Variants in CLMP observed in about 807,000 individuals in gnomAD.
CLMP encodes the protein CXADR like cell adhesion molecule.
CLMP carries 27 observed loss-of-function variants against 45.2 expected under a neutral mutation model. That is an observed-to-expected ratio of 0.60 (90% CI 0.44 to 0.82). CLMP has a LOEUF of 0.82. Ranked by LOEUF, CLMP falls within the 40% of genes least tolerant of loss-of-function variation. The pLI, the probability that CLMP is intolerant of heterozygous loss-of-function variation, is 0.00. For synonymous variants in CLMP, 167 were observed against 171.4 expected (o/e 0.97, Z 0.20); for missense variants, 403 against 448.4 (o/e 0.90, Z 0.91).
rs567877782 is a variant in CLMP, at chr11:123,161,601, G to A, written c.28+33312C>T. Reference sequence around the variant, plus strand: ...TGAGATGGGAGGATTTCTTGAGCCCGGGAAAGAAAGGTTGCAGTGAGCCAA... The same window carrying A: ...TGAGATGGGAGGATTTCTTGAGCCCAGGAAAGAAAGGTTGCAGTGAGCCAA... On this transcript the variant is annotated intron_variant, in intron 1 of 6. Coordinates refer to ENST00000448775, the MANE Select transcript of CLMP (RefSeq NM_024769.5). 5.9e-5 allele frequency among the ~76,000 whole-genome samples: 9 copies of A among 152,166 alleles called. 1 individual carries two copies. Among genetic ancestry groups the A allele is most frequent in the Admixed American group, 2.6e-4 (4 of 15,276 alleles).
chr11:123,106,880 C>T (rs561490934), intron 1 of CLMP, among the ~76,000 whole-genome samples: 21 of 151,838 alleles, frequency 1.4e-4, no homozygotes, highest in African/African-American at 4.3e-4. Context: ...ATTAGCCCGG[C>T]GAGGTGGTGG....
chr11:123,186,666 G>A (rs1195340175), intron 1 of CLMP, among the ~76,000 whole-genome samples: 1 of 152,132 alleles, frequency 6.6e-6, no homozygotes, highest in Non-Finnish European at 1.5e-5. Flanking sequence ...GGGATTACAG[G>A]CGTGCGTCAC....
At chr11:123,150,650 T>C (rs1411679383) in intron 1 of CLMP, among the ~76,000 whole-genome samples, 1 of 151,532 alleles carries the variant, frequency 6.6e-6, no homozygotes, top group East Asian at 1.9e-4. Flanking sequence ...AAGGTAGGTG[T>C]GGGGAGAAAG....
chr11:123,163,495 A>G (rs1280566812), intron 1 of CLMP, among the ~76,000 whole-genome samples: 1 of 152,176 alleles, frequency 6.6e-6, no homozygotes, highest in Non-Finnish European at 1.5e-5. Context: ...AAGAGACACT[A>G]TGGAGCTGTA....
At chr11:123,194,446 C>G in intron 1 of CLMP, among the ~76,000 whole-genome samples, 1 of 152,050 alleles carries the variant, frequency 6.6e-6, no homozygotes, top group Non-Finnish European at 1.5e-5. Flanking sequence ...TGGGCCCTGC[C>G]CTTTTTCCCT....
intron 2 of CLMP, 133 bp downstream of exon 2, chr11:123,097,662 G>A (rs1346613812): frequency 7.5e-6 from 5 of 665,354 alleles, no homozygotes; most frequent in African/African-American, 1.8e-5. Flanking sequence ...TGTATCTAAA[G>A]TCTTTCAAGT....
At chr11:123,150,480 A>AAAGAAAGAAAGAAAGAAAGAAGGAAAGG (rs764502298) in intron 1 of CLMP, among the ~76,000 whole-genome samples, 1 of 40,962 alleles carries the variant, frequency 2.4e-5, no homozygotes, top group African/African-American at 1.1e-4. Flanking sequence ...AGAAAGAAAG[A>AAAGAAAGAAAGAAAGAAAGAAGGAAAGG]AAGGAAGGAA....
At chr11:123,078,648 GT>G (rs72256215) in intron 5 of CLMP, among the ~76,000 whole-genome samples, 22,693 of 131,764 alleles carry the variant, frequency 0.17, 1,754 homozygotes, top group East Asian at 0.26. Flanking sequence ...GGTTTTTTTT[GT>G]TTTTTTTTTT....
chr11:123,108,137 C>T (rs1451035536), intron 1 of CLMP, among the ~76,000 whole-genome samples: 2 of 152,108 alleles, frequency 1.3e-5, no homozygotes, highest in African/African-American at 2.4e-5. Context: ...TCCCTTGTCA[C>T]GAACTAGTGA....
intron 2 of CLMP, among the ~76,000 whole-genome samples, chr11:123,089,833 C>T (rs1189649427): frequency 6.6e-6 from 1 of 150,530 alleles, no homozygotes; most frequent in Non-Finnish European, 1.5e-5. Flanking sequence ...GGCGCGGTGG[C>T]TCACACCTGT....
rs149777408 is a variant in CLMP, at chr11:123,158,100, C to T, written c.28+36813G>A. 7.4e-3 allele frequency among the ~76,000 whole-genome samples: 1,130 copies of T among 152,264 alleles called. 9 individuals carry two copies. Among genetic ancestry groups the T allele is most frequent in the Non-Finnish European group, 0.012 (783 of 68,026 alleles). On this transcript the variant is annotated intron_variant, in intron 1 of 6. Transcript: ENST00000448775. ...TACTGCTTCACTCAAACTCCGACAC[C>T]CAGCAAGCCTTTGTCAGGGCAGGAA...
intron 1 of CLMP, among the ~76,000 whole-genome samples, chr11:123,122,182 TA>T (rs1860828809): frequency 6.6e-6 from 1 of 152,204 alleles, no homozygotes. Flanking sequence ...GCTCCGTTTT[TA>T]TTTTTTAATT....
At chr11:123,144,349 T>C (rs781456206) in intron 1 of CLMP, among the ~76,000 whole-genome samples, 2 of 152,220 alleles carry the variant, frequency 1.3e-5, no homozygotes, top group Admixed American at 6.5e-5. Context: ...AGTGCAGGCA[T>C]GCTGTACTCT....
chr11:123,188,819 A>C (rs1861866320), intron 1 of CLMP: 1 of 152,228 alleles, frequency 6.6e-6, no homozygotes, highest in Non-Finnish European at 1.5e-5. Context: ...CAGTATCCAG[A>C]CATCCAGATA....
intron 1 of CLMP, among the ~76,000 whole-genome samples, chr11:123,126,398 T>G (rs1194889731): frequency 1.3e-5 from 2 of 152,208 alleles, no homozygotes; most frequent in Non-Finnish European, 2.9e-5. Context: ...ATTAATTAAT[T>G]TATCAATATA....
At position 123,113,125 on chromosome 11, in the gene CLMP, C is replaced by T. The variant is rs528588519; in HGVS notation, c.29-15173G>A. Among the ~76,000 whole-genome samples, 7 of 152,262 alleles carry T rather than the reference C, an allele frequency of 4.6e-5. No homozygotes were observed. The South Asian group carries it at 1.0e-3, about 23-fold the overall frequency. On this transcript the variant is annotated intron_variant, in intron 1 of 6. Transcript: ENST00000448775. ...CATAACATATTCAAGGATACTGATG[C>T]TACAACATTTTCTTAAACACCCCTT... is the stretch of plus-strand genomic sequence containing the variant.
At position 123,073,415 on chromosome 11, in the gene CLMP, C is replaced by T. The variant is rs1390252884; in HGVS notation, c.*59G>A. 1.1e-5 allele frequency: 17 copies of T among 1,529,510 alleles called. No homozygotes were observed. In the Admixed American group the frequency reaches 1.2e-4, roughly 11 times the overall value. The allele number at this position is 1,529,510 out of a possible 1,614,324, so 94.7% of individuals were successfully genotyped here. ...TGGCTGGTGACTTGAGCTCCAATGA[C>T]GAGAAGAGTCCAAAGACCCTGACTC... On this transcript the variant is annotated 3_prime_UTR_variant, in exon 7 of 7. Coordinates refer to ENST00000448775, the MANE Select transcript of CLMP (RefSeq NM_024769.5).
intron 1 of CLMP, among the ~76,000 whole-genome samples, chr11:123,099,475 G>C (rs79687404): frequency 0.018 from 2,743 of 152,250 alleles, 63 homozygotes; most frequent in African/African-American, 0.061. Flanking sequence ...ATCCTTCCAG[G>C]GTTTTGTAAA....
At chr11:123,163,868 G>A (rs1456574922) in intron 1 of CLMP, among the ~76,000 whole-genome samples, 1 of 152,210 alleles carries the variant, frequency 6.6e-6, no homozygotes, top group Non-Finnish European at 1.5e-5. Context: ...GAGTGTCTCT[G>A]CTTAAATTTC....
Sources: allele counts gnomAD v4.1 joint callset (sites outside exome capture counted in the v4.1 genomes callset), GRCh38; gene constraint gnomAD v4.1.1; transcripts MANE v1.5; gene names NCBI Gene and HGNC (gene_info 2026-07-23, HGNC 2026-07-21).